The following UIMC1 variants were observed in gnomAD, a reference collection of about 807,000 sequenced individuals.
The protein encoded by UIMC1 is ubiquitin interaction motif containing 1, also known as BRCA1-A complex subunit RAP80.
UIMC1 carries 42 observed loss-of-function variants against 84.9 expected under a neutral mutation model. The ratio of observed to expected loss-of-function variants is 0.49; its 90% CI spans 0.39 to 0.64. The LOEUF is 0.64. Ranked by LOEUF, UIMC1 falls within the 30% of genes least tolerant of loss-of-function variation. The pLI is 0.00. For synonymous variants in UIMC1, 281 were observed against 293.0 expected (o/e 0.96, Z 0.42); for missense variants, 825 against 847.6 (o/e 0.97, Z 0.33).
intron 1 of UIMC1, among the ~76,000 whole-genome samples, chr5:177,020,375 A>G (rs546655338): frequency 5.3e-5 from 8 of 152,290 alleles, no homozygotes; most frequent in African/African-American, 1.9e-4. Context: ...TGTTCCTAAC[A>G]CATCATTCAC....
At chr5:176,966,341 AG>A (rs1186765906) in intron 6 of UIMC1, among the ~76,000 whole-genome samples, 9 of 152,246 alleles carry the variant, frequency 5.9e-5, no homozygotes, top group Admixed American at 5.9e-4. Flanking sequence ...GGATTCAAAG[AG>A]GTTAAGTGAC....
intron 1 of UIMC1, among the ~76,000 whole-genome samples, chr5:176,995,518 CAGAG>C (rs1460447236): frequency 9.6e-6 from 1 of 104,548 alleles, no homozygotes; most frequent in Non-Finnish European, 1.7e-5. Context: ...GACTGGGTGA[CAGAG>C]AAAGACTCTG....
chr5:177,007,340 CAAAAAAAAAA>C (rs56871601), upstream of UIMC1, among the ~76,000 whole-genome samples: 3 of 58,416 alleles, frequency 5.1e-5, no homozygotes, highest in Non-Finnish European at 7.9e-5. Flanking sequence ...GACTCCGTCT[CAAAAAAAAAA>C]AAAAAAAAAA....
intron 1 of UIMC1, among the ~76,000 whole-genome samples, chr5:176,984,070 G>A (rs867635974): frequency 5.7e-4 from 74 of 128,746 alleles, no homozygotes; most frequent in African/African-American, 2.2e-3. Flanking sequence ...GCCTCTGCCC[G>A]GCCGCCCCGT....
In UIMC1 at chr5:176,907,182, A is replaced by G. The variant is rs1258448274; in HGVS notation, c.1849-5T>C. 1.2e-5 allele frequency: 20 copies of G among 1,611,744 alleles called. No individual in the cohort carries two copies. The highest frequency in any genetic ancestry group is 1.7e-5 in the Admixed American group (1 of 59,798). ...GCCTTCACTGTGGCCTTTTTCCTGT[A>G]ACAGAGAAAAACAGATGAAAAGGTT... is the stretch of plus-strand genomic sequence containing the variant. On this transcript the variant is annotated splice_region_variant and splice_polypyrimidine_tract_variant and intron_variant, in intron 12 of 14. Coordinates refer to ENST00000511320, the MANE Select transcript of UIMC1 (RefSeq NM_001199298.2).
At chr5:176,905,546 A>G in intron 14 of UIMC1, 54 bp from the exon 15 acceptor site, 1 of 1,522,850 alleles carries the variant, frequency 6.6e-7, no homozygotes, top group Non-Finnish European at 9.0e-7. Context: ...AGCATCAAGG[A>G]CATGCTATGC....
intron 10 of UIMC1, among the ~76,000 whole-genome samples, chr5:176,929,234 G>A (rs1762784951): frequency 6.6e-6 from 1 of 151,246 alleles, no homozygotes; most frequent in African/African-American, 2.4e-5. Flanking sequence ...CAGCCTGGGT[G>A]ACAGAGCAAG....
chr5:176,909,072 G>C (rs1759775708), intron 11 of UIMC1, among the ~76,000 whole-genome samples: 2 of 152,152 alleles, frequency 1.3e-5, no homozygotes, highest in African/African-American at 4.8e-5. Flanking sequence ...CAACAGAAAA[G>C]GGAGCACCAA....
chr5:176,908,822 T>C (rs1228632411), intron 11 of UIMC1, 128 bp from the exon 12 acceptor site: 2 of 912,182 alleles, frequency 2.2e-6, no homozygotes, highest in South Asian at 1.8e-5. Flanking sequence ...TATCAACCAA[T>C]GCAGATTCAC....
intron 10 of UIMC1, among the ~76,000 whole-genome samples, chr5:176,916,339 C>G (rs1447759141): frequency 6.6e-6 from 1 of 152,184 alleles, no homozygotes; most frequent in African/African-American, 2.4e-5. Flanking sequence ...AAACATATGA[C>G]CATTACCTCA....
Position 176,970,357 on chromosome 5 carries a change from A to G in UIMC1, c.357+385T>C, listed in dbSNP as rs1006325916. On this transcript the variant is annotated intron_variant, in intron 4 of 14. Coordinates refer to ENST00000511320, the MANE Select transcript of UIMC1 (RefSeq NM_001199298.2). ...TTTCATTATTTTTTTAAAACTGCCC[A>G]TTCTTTCTTCCCATAATCCACCTCT... 2.5e-5 allele frequency: 5 copies of G among 202,044 alleles called. No homozygotes were observed. The Admixed American group carries it at 2.7e-4, about 11-fold the overall frequency. 12.5% of individuals were successfully genotyped at this position (202,044 alleles called of 1,614,324 possible).
At chr5:176,924,675 A>G (rs1330017678) in intron 10 of UIMC1, among the ~76,000 whole-genome samples, 1 of 152,216 alleles carries the variant, frequency 6.6e-6, no homozygotes, top group African/African-American at 2.4e-5. Context: ...TAAATAGAAA[A>G]TAATAACCAT....
intron 1 of UIMC1, among the ~76,000 whole-genome samples, chr5:177,005,299 T>C (rs573593015): frequency 3.9e-5 from 6 of 152,050 alleles, no homozygotes; most frequent in Non-Finnish European, 8.8e-5. Flanking sequence ...GTCTTGATAC[T>C]CCTGGACTCA....
upstream of UIMC1, among the ~76,000 whole-genome samples, chr5:177,009,382 AG>A (rs1554139619): frequency 6.6e-6 from 1 of 151,502 alleles, no homozygotes; most frequent in South Asian, 2.1e-4. This position sits in a 1 kb window ranked among gnomAD's most constrained non-coding sequence, Gnocchi z 4.3. Context: ...CTTAGAAGAG[AG>A]GAAAAAAAAA....
chr5:176,988,049 T>G (rs1369480545), intron 1 of UIMC1, among the ~76,000 whole-genome samples: 2 of 143,064 alleles, frequency 1.4e-5, no homozygotes, highest in Non-Finnish European at 3.0e-5. Context: ...GAGGATCAAT[T>G]GAGCCCAGGA....
Position 176,982,638 on chromosome 5 carries a change from C to G in UIMC1, c.-8-15G>C, listed in dbSNP as rs1316436795. ...CATCCTTTTGTCTAGAATAAAAGGA[C>G]AATAATTTTGTCTAGAATAAAAAGA... is the stretch of plus-strand genomic sequence containing the variant. On this transcript the variant is annotated splice_polypyrimidine_tract_variant and intron_variant, in intron 1 of 14. Coordinates refer to ENST00000511320, the MANE Select transcript of UIMC1 (RefSeq NM_001199298.2). 1.9e-6 allele frequency: 3 copies of G among 1,601,466 alleles called. No individual in the cohort carries two copies. The highest frequency in any genetic ancestry group is 1.7e-4 in the Middle Eastern group (1 of 6,044).
intron 1 of UIMC1, among the ~76,000 whole-genome samples, chr5:176,993,286 A>G (rs1371899694): frequency 2.0e-5 from 3 of 152,070 alleles, no homozygotes; most frequent in Non-Finnish European, 4.4e-5. Context: ...CCTAGACTCA[A>G]GCAATTCTTC....
At position 176,934,060 on chromosome 5, in the gene UIMC1, A is replaced by T. The variant is rs1763434304; in HGVS notation, c.1597+9275T>A. Reference sequence around the variant, plus strand: ...CCCTTGCTGGACTGTAAACTCTCTGAGTATAAATTTGAGATCCTATTCAGA... The same window carrying T: ...CCCTTGCTGGACTGTAAACTCTCTGTGTATAAATTTGAGATCCTATTCAGA... On this transcript the variant is annotated intron_variant, in intron 10 of 14. Coordinates refer to ENST00000511320, the MANE Select transcript of UIMC1 (RefSeq NM_001199298.2). Among the ~76,000 whole-genome samples the T allele has an allele frequency of 2.6e-5, 4 of 152,102 alleles. 1 individual carries two copies. The South Asian group carries it at 8.3e-4, about 31-fold the overall frequency.
chr5:176,933,461 T>C (rs1391505209), intron 10 of UIMC1, among the ~76,000 whole-genome samples: 2 of 152,154 alleles, frequency 1.3e-5, no homozygotes, highest in Admixed American at 1.3e-4. Context: ...ATACATATAA[T>C]CTAGTAATTA....
Sources: allele counts gnomAD v4.1 joint callset (sites outside exome capture counted in the v4.1 genomes callset), GRCh38; gene constraint gnomAD v4.1.1; non-coding constraint Gnocchi (gnomAD v3.1); transcripts MANE v1.5; gene names NCBI Gene and HGNC (gene_info 2026-07-23, HGNC 2026-07-21).